Variants in TDP1 observed in about 807,000 individuals in gnomAD.
The protein encoded by TDP1 is tyr-DNA phosphodiesterase 1.
TDP1 carries 64 observed loss-of-function variants against 81.5 expected under a neutral mutation model. That is an observed-to-expected ratio of 0.79 (90% CI 0.64 to 0.97). The LOEUF (loss-of-function observed/expected upper bound fraction) is 0.97. Among genes scored for constraint, TDP1 ranks in the 50% least tolerant of loss-of-function variants. The pLI, the probability that TDP1 is intolerant of heterozygous loss-of-function variation, is 0.00. For missense variants in TDP1, 723 were observed against 743.8 expected (o/e 0.97, Z 0.33); for synonymous variants, 256 against 264.3 (o/e 0.97, Z 0.30).
chr14:90,001,534 G>A (rs778751648), intron 14 of TDP1, among the ~76,000 whole-genome samples: 38 of 152,134 alleles, frequency 2.5e-4, no homozygotes, highest in Non-Finnish European at 8.8e-5. Context: ...TGTGATCTTT[G>A]GTAATTATTC....
At chr14:89,973,882 TATA>T (rs1296953657) in intron 6 of TDP1, among the ~76,000 whole-genome samples, 1 of 152,074 alleles carries the variant, frequency 6.6e-6, no homozygotes, top group African/African-American at 2.4e-5. Context: ...CTTGCCAGCT[TATA>T]GATGGCCACG....
At chr14:90,033,360 C>T (rs1305321193) in intron 16 of TDP1, 146 bp downstream of exon 16, 1 of 700,874 alleles carries the variant, frequency 1.4e-6, no homozygotes, top group East Asian at 2.7e-5. Context: ...GCCAGCCTGT[C>T]TGGGGCCTTG....
intron 14 of TDP1, among the ~76,000 whole-genome samples, chr14:90,001,898 G>T (rs1050657352): frequency 6.6e-6 from 1 of 151,316 alleles, no homozygotes; most frequent in African/African-American, 2.4e-5. Context: ...TGTAGGCATC[G>T]ACCTGGTTGC....
At chr14:90,021,160 C>T (rs1469686677) in intron 15 of TDP1, among the ~76,000 whole-genome samples, 1 of 152,152 alleles carries the variant, frequency 6.6e-6, no homozygotes, top group Non-Finnish European at 1.5e-5. Flanking sequence ...TTTCTCACAC[C>T]GTGCTCAGGT....
In TDP1 at chr14:90,043,105, G is replaced by T. The variant is rs1888527244; in HGVS notation, c.1789G>T (p.Ala597Ser). 6.2e-7 allele frequency: 1 copy of T among 1,614,134 alleles called. No homozygotes were observed. Among genetic ancestry groups the T allele is most frequent in the South Asian group, 1.1e-5 (1 of 91,080 alleles). ...PWIWNIPYVKAPDTHGNMWVP... is the reference protein window; with the variant it reads ...PWIWNIPYVKSPDTHGNMWVP... Reference sequence around the variant, plus strand: ...GATATGGAACATTCCTTATGTCAAAGCACCGGATACGCATGGGAACATGTG... The same window carrying T: ...GATATGGAACATTCCTTATGTCAAATCACCGGATACGCATGGGAACATGTG... Residue 597 changes from alanine to serine, a missense_variant, in exon 17 of 17, where the codon GCA becomes TCA. Physicochemically the swap from Ala to Ser is moderately conservative, Grantham distance 99. Transcript: ENST00000335725.
At chr14:90,019,848 G>A (rs1479568592) in intron 15 of TDP1, among the ~76,000 whole-genome samples, 2 of 152,142 alleles carry the variant, frequency 1.3e-5, no homozygotes, top group Non-Finnish European at 2.9e-5. Flanking sequence ...TGCTTAGGAT[G>A]TAGGCTGTAT....
At chr14:90,008,813 A>G (rs745965544) in intron 14 of TDP1, among the ~76,000 whole-genome samples, 2 of 152,248 alleles carry the variant, frequency 1.3e-5, no homozygotes, top group East Asian at 1.9e-4. Context: ...GGCTCAAGCA[A>G]TTCTCCCATC....
chr14:89,981,647 A>G (rs1894988571), intron 8 of TDP1: 4 of 335,276 alleles, frequency 1.2e-5, no homozygotes, highest in Admixed American at 4.2e-5. Flanking sequence ...TTTGGAGTGT[A>G]TTACTTTCAG....
intron 14 of TDP1, among the ~76,000 whole-genome samples, chr14:90,001,287 C>T (rs1376321263): frequency 6.6e-6 from 1 of 151,776 alleles, no homozygotes; most frequent in East Asian, 1.9e-4. Context: ...TTTTCATTTC[C>T]TCTCTTTCAT....
At chr14:89,989,506 C>T in intron 11 of TDP1, 1 of 834,294 alleles carries the variant, frequency 1.2e-6, no homozygotes, top group Non-Finnish European at 1.4e-6. Context: ...AAAAAATACT[C>T]CAATTGAAGT....
At chr14:90,013,543 T>G (rs1884969376) in intron 14 of TDP1, among the ~76,000 whole-genome samples, 1 of 152,262 alleles carries the variant, frequency 6.6e-6, no homozygotes, top group Admixed American at 6.5e-5. Flanking sequence ...TCCCCCGCCA[T>G]GTGCAACTGT....
intron 5 of TDP1, 76 bp from the exon 6 acceptor site, chr14:89,971,099 G>A: frequency 7.6e-7 from 1 of 1,316,586 alleles, no homozygotes; most frequent in Non-Finnish European, 1.1e-6. Flanking sequence ...GCCTCCCAAG[G>A]TGCCGGGATT....
At chr14:89,993,088 A>G (rs1159317087) in intron 13 of TDP1, 3 of 931,604 alleles carry the variant, frequency 3.2e-6, no homozygotes, top group African/African-American at 3.6e-5. Context: ...CATGCTGTTA[A>G]AAGCACAACA....
At chr14:89,958,332 G>C (rs11851266) in intron 2 of TDP1, 103,614 of 152,172 alleles carry the variant, frequency 0.68, 36,667 homozygotes, top group African/African-American at 0.89. Context: ...TAGCTGGTCC[G>C]AATTTCTTGT....
At chr14:90,001,212 A>G (rs1453123106) in intron 14 of TDP1, among the ~76,000 whole-genome samples, 1 of 152,214 alleles carries the variant, frequency 6.6e-6, no homozygotes, top group Non-Finnish European at 1.5e-5. Context: ...TTGGAATCTT[A>G]TAAAAATGCT....
Position 89,966,243 on chromosome 14 carries a change from A to G in TDP1, c.603+53A>G. The G allele has an allele frequency of 7.0e-6, 8 of 1,148,626 alleles. No individual in the cohort carries two copies. The South Asian group carries it at 9.8e-5, about 14-fold the overall frequency. The allele number at this position is 1,148,626 out of a possible 1,614,324, so 71.2% of individuals were successfully genotyped here. On this transcript the variant is annotated intron_variant, in intron 4 of 16. Transcript: ENST00000335725. ...TTTGGGTGAAAGTAGACAGGTAATT[A>G]AACAACTCCATAAGAAAATATGAGA...
chr14:89,991,772 T>C (rs1896209076), intron 12 of TDP1, 145 bp from the exon 13 acceptor site: 1 of 1,213,346 alleles, frequency 8.2e-7, no homozygotes. Flanking sequence ...AGACATTTTC[T>C]TTCAAATAAC....
At chr14:89,987,957 GAC>G (rs766262025) in intron 10 of TDP1, among the ~76,000 whole-genome samples, 3 of 152,144 alleles carry the variant, frequency 2.0e-5, no homozygotes, top group Non-Finnish European at 4.4e-5. Context: ...CTCTCCCTCA[GAC>G]ACCAGTTGCA....
chr14:90,026,702 A>G (rs1886698982), intron 15 of TDP1, among the ~76,000 whole-genome samples: 1 of 151,906 alleles, frequency 6.6e-6, no homozygotes, highest in African/African-American at 2.4e-5. Context: ...GAGTGAGAAC[A>G]TGTGGTGTTT....
Sources: gnomAD v4.1 joint callset for allele counts (sites outside exome capture counted in the v4.1 genomes callset) on GRCh38, gnomAD v4.1.1 for gene constraint, MANE v1.5 for transcripts, NCBI Gene and HGNC (gene_info 2026-07-23, HGNC 2026-07-21) for gene names.